Variants in RORA observed in about 807,000 individuals in gnomAD.
RORA encodes nuclear receptor ROR-alpha.
A neutral mutation model predicts 69.5 loss-of-function variants in RORA; 7 were observed. The ratio of observed to expected loss-of-function variants is 0.10; its 90% CI spans 0.06 to 0.19. The LOEUF (loss-of-function observed/expected upper bound fraction) is 0.19, where lower values mean the gene tolerates loss of function less well. Ranked by LOEUF, RORA falls within the 10% of genes least tolerant of loss-of-function variation. The probability of loss-of-function intolerance (pLI) is 1.00; values close to 1 mark genes in which losing one functional copy is unlikely to be tolerated. For missense variants in RORA, 457 were observed against 663.0 expected (o/e 0.69, Z 3.41); for synonymous variants, 261 against 240.8 (o/e 1.08, Z -0.78).
At chr15:61,073,127 C>A (rs183044681) in intron 1 of RORA, among the ~76,000 whole-genome samples, 1 of 152,368 alleles carries the variant, frequency 6.6e-6, no homozygotes, top group Non-Finnish European at 1.5e-5. Flanking sequence ...CATGTCTGCA[C>A]TGAAGTACAA....
intron 2 of RORA, among the ~76,000 whole-genome samples, chr15:60,628,560 G>A (rs141401340): frequency 1.3e-5 from 2 of 152,076 alleles, no homozygotes; most frequent in African/African-American, 2.4e-5. Flanking sequence ...TACAGACAGG[G>A]TCTTGCCATC....
intron 1 of RORA, among the ~76,000 whole-genome samples, chr15:60,857,310 C>T (rs1595770310): frequency 6.6e-6 from 1 of 152,050 alleles, no homozygotes; most frequent in Admixed American, 6.6e-5. Flanking sequence ...GATCTGAACC[C>T]CAGGGGGAGC....
At chr15:60,557,459 C>T (rs2067401628) in intron 2 of RORA, among the ~76,000 whole-genome samples, 2 of 152,176 alleles carry the variant, frequency 1.3e-5, no homozygotes, top group South Asian at 4.1e-4. Flanking sequence ...AAAGTTTTGG[C>T]TGAGTTACTT....
At chr15:60,733,793 G>A (rs2071459711) in intron 1 of RORA, among the ~76,000 whole-genome samples, 2 of 152,228 alleles carry the variant, frequency 1.3e-5, no homozygotes, top group African/African-American at 4.8e-5. Context: ...CGTGGGCAAT[G>A]GCCTGCTAGG....
intron 1 of RORA, among the ~76,000 whole-genome samples, chr15:60,683,793 A>ATT (rs2070695629): frequency 6.6e-6 from 1 of 152,234 alleles, no homozygotes. Flanking sequence ...AAAAGGCCCC[A>ATT]AAATATTCGG....
chr15:61,160,248 C>T (rs962753130), intron 1 of RORA, among the ~76,000 whole-genome samples: 1 of 152,164 alleles, frequency 6.6e-6, no homozygotes, highest in Non-Finnish European at 1.5e-5. Flanking sequence ...AACCTGCTTC[C>T]ATTACTGATG....
intron 1 of RORA, among the ~76,000 whole-genome samples, chr15:60,941,888 T>C (rs1430624272): frequency 1.6e-5 from 2 of 125,630 alleles, no homozygotes; most frequent in African/African-American, 2.8e-5. Flanking sequence ...AGCACTGCTG[T>C]TGTTACCAAG....
intron 1 of RORA, among the ~76,000 whole-genome samples, chr15:60,959,034 C>T (rs188543494): frequency 2.6e-5 from 4 of 152,292 alleles, no homozygotes; most frequent in Admixed American, 2.6e-4. Flanking sequence ...AACTGCACAC[C>T]TATTAAAGTT....
chr15:61,075,884 C>G (rs1232791253), intron 1 of RORA, among the ~76,000 whole-genome samples: 3 of 152,176 alleles, frequency 2.0e-5, no homozygotes, highest in African/African-American at 4.8e-5. Flanking sequence ...TCACACCCTC[C>G]CCATACGGGC....
At chr15:60,984,432 T>A (rs1007579738) in intron 1 of RORA, among the ~76,000 whole-genome samples, 2 of 150,940 alleles carry the variant, frequency 1.3e-5, no homozygotes, top group Non-Finnish European at 3.0e-5. Flanking sequence ...AATATTAGTA[T>A]AATAATAATA....
At chr15:60,602,517 C>G (rs910229194) in intron 2 of RORA, among the ~76,000 whole-genome samples, 1 of 152,116 alleles carries the variant, frequency 6.6e-6, no homozygotes, top group Admixed American at 6.5e-5. Context: ...AAACTGTTTC[C>G]TGTCACCATG....
At chr15:60,690,927 T>C (rs1293974864) in intron 1 of RORA, among the ~76,000 whole-genome samples, 1 of 152,152 alleles carries the variant, frequency 6.6e-6, no homozygotes, top group Non-Finnish European at 1.5e-5. Flanking sequence ...CTTTTTGAAC[T>C]ATAAATCCGA....
intron 1 of RORA, among the ~76,000 whole-genome samples, chr15:61,118,971 A>G (rs2079075241): frequency 1.3e-5 from 2 of 152,074 alleles, no homozygotes; most frequent in Admixed American, 1.3e-4. Flanking sequence ...CGCAAAAAGG[A>G]AACAAAAAGA....
chr15:60,695,429 T>G (rs1185402771), intron 1 of RORA, among the ~76,000 whole-genome samples: 2 of 152,148 alleles, frequency 1.3e-5, no homozygotes, highest in Non-Finnish European at 2.9e-5. Context: ...TCTTCTTGGC[T>G]TATACATTTC....
rs956536147 is a variant in RORA at position 60,960,590 on chromosome 15, C to T, written c.166+268463G>A. 4.6e-5 allele frequency among the ~76,000 whole-genome samples: 7 copies of T among 152,232 alleles called. No homozygotes were observed. The South Asian group carries it at 1.4e-3, about 32-fold the overall frequency. ...TCAGGAGAGATGAATTGCAGACACA[C>T]CAGTTTCTCCTTAAAATCCATTTTC... On this transcript the variant is annotated intron_variant, in intron 1 of 10. Transcript: ENST00000335670.
At chr15:60,563,408 A>G (rs2067632868) in intron 2 of RORA, among the ~76,000 whole-genome samples, 1 of 152,214 alleles carries the variant, frequency 6.6e-6, no homozygotes, top group Non-Finnish European at 1.5e-5. Flanking sequence ...TTTAGAAGGT[A>G]TCTCACTTCA....
At chr15:60,893,292 A>C (rs1177103431) in intron 1 of RORA, among the ~76,000 whole-genome samples, 1 of 152,134 alleles carries the variant, frequency 6.6e-6, no homozygotes, top group Non-Finnish European at 1.5e-5. Flanking sequence ...CCTTTGTCTC[A>C]CCTCTGCTGT....
At chr15:60,975,540 A>C (rs996659844) in intron 1 of RORA, among the ~76,000 whole-genome samples, 2 of 152,130 alleles carry the variant, frequency 1.3e-5, no homozygotes, top group Non-Finnish European at 2.9e-5. Context: ...AGAACACTGA[A>C]ATGAACATGT....
chr15:60,961,515 T>C lies in RORA; in HGVS notation c.166+267538A>G, dbSNP rs151116690. On this transcript the variant is annotated intron_variant, in intron 1 of 10. Coordinates refer to ENST00000335670, the MANE Select transcript of RORA (RefSeq NM_134261.3). ...ACTTAAAAGTCAAGTGCCGATAATA[T>C]GAAGTAACCACACTTGTGTTGCCAT... 3.8e-3 allele frequency among the ~76,000 whole-genome samples: 580 copies of C among 152,332 alleles called. 4 individuals carry two copies. The highest frequency in any genetic ancestry group is 0.013 in the African/African-American group (542 of 41,568).
Sources: allele counts gnomAD v4.1 joint callset (sites outside exome capture counted in the v4.1 genomes callset), GRCh38; gene constraint gnomAD v4.1.1; transcripts MANE v1.5; gene names NCBI Gene and HGNC (gene_info 2026-07-23, HGNC 2026-07-21).